The following MPRIP variants were observed in gnomAD, a reference collection of about 807,000 sequenced individuals.
MPRIP encodes myosin phosphatase Rho-interacting protein.
In MPRIP, 59 loss-of-function variants were observed where a neutral mutation model predicts 234.9. The observed-to-expected ratio is 0.25, with a 90% confidence interval of 0.20 to 0.31. The LOEUF is 0.31. Among genes scored for constraint, MPRIP ranks in the 10% least tolerant of loss-of-function variants. The probability of loss-of-function intolerance (pLI) is 1.00; values close to 1 mark genes in which losing one functional copy is unlikely to be tolerated. For missense variants in MPRIP, 2,436 were observed against 3,071.0 expected (o/e 0.79, Z 4.89); for synonymous variants, 1,144 against 1,263.9 (o/e 0.91, Z 2.01).
chr17:17,164,786 G>C lies in MPRIP; in HGVS notation c.3195G>C (p.Gln1065His). ...AGGCACAGCAGGTGGAGACCCTGCAGAAGGAGAAGCTGAGCGCCACTTTCG... is the reference window on the plus strand; with the variant it reads ...AGGCACAGCAGGTGGAGACCCTGCACAAGGAGAAGCTGAGCGCCACTTTCG... ...QGQAQQVETL[Q>H]KEKLSATFEG... The change falls in exon 16 of 24, where the codon CAG (glutamine) becomes CAC (histidine). Residue 1065 changes from glutamine (Q) to histidine (H), a missense_variant. Around this residue, in one of 4 missense-constraint regions of MPRIP, gnomAD observed 1,998 missense variants for 2,520.3 expected, o/e 0.79. Transcript: ENST00000651222. The C allele has an allele frequency of 7.7e-7, 1 of 1,304,248 alleles. No homozygotes were observed. Among genetic ancestry groups the C allele is most frequent in the Non-Finnish European group, 1.0e-6 (1 of 988,944 alleles). 80.8% of individuals were successfully genotyped at this position (1,304,248 alleles called of 1,614,324 possible).
intron 3 of MPRIP, among the ~76,000 whole-genome samples, chr17:17,091,176 A>G (rs2089707967): frequency 6.6e-6 from 1 of 152,014 alleles, no homozygotes; most frequent in Admixed American, 6.5e-5. Context: ...GTTTTCAGCA[A>G]GAGACCCACC....
intron 3 of MPRIP, among the ~76,000 whole-genome samples, chr17:17,081,601 A>G (rs1203241986): frequency 1.3e-5 from 2 of 152,180 alleles, no homozygotes; most frequent in Non-Finnish European, 1.5e-5. Flanking sequence ...GAAGGTGGAC[A>G]TCAGGAGGTC....
chr17:17,180,741 T>G, intron 23 of MPRIP: 1 of 1,421,060 alleles, frequency 7.0e-7, no homozygotes, highest in South Asian at 1.2e-5. Context: ...CATGGTTACT[T>G]TATTTCAATT....
At chr17:17,101,521 G>A (rs1401399329) in intron 3 of MPRIP, among the ~76,000 whole-genome samples, 2 of 152,304 alleles carry the variant, frequency 1.3e-5, no homozygotes, top group East Asian at 1.9e-4. Flanking sequence ...AGTGAGCTGA[G>A]ATTGCACCAC....
At chr17:17,106,192 C>T (rs1456667969) in intron 3 of MPRIP, among the ~76,000 whole-genome samples, 1 of 152,204 alleles carries the variant, frequency 6.6e-6, no homozygotes, top group African/African-American at 2.4e-5. Flanking sequence ...GCCCTGCCGG[C>T]GTCCAACACA....
chr17:17,173,908 C>T lies in MPRIP; in HGVS notation c.6591-8C>T, dbSNP rs563306678. 52 of 1,613,338 alleles carry T rather than the reference C, an allele frequency of 3.2e-5. No individual in the cohort carries two copies. The highest frequency in any genetic ancestry group is 4.0e-5 in the African/African-American group (3 of 75,072). On this transcript the variant is annotated splice_polypyrimidine_tract_variant and splice_region_variant and intron_variant, in intron 18 of 23. Transcript: ENST00000651222. Reference sequence around the variant, plus strand: ...CAGGCAGAGGAGTGAGTGCTGCCCTCTCCCCAGGGAGGAGCTGCAGTCGGT... The same window carrying T: ...CAGGCAGAGGAGTGAGTGCTGCCCTTTCCCCAGGGAGGAGCTGCAGTCGGT...
At chr17:17,134,998 G>C (rs1328810068) in intron 5 of MPRIP, among the ~76,000 whole-genome samples, 1 of 152,250 alleles carries the variant, frequency 6.6e-6, no homozygotes, top group Non-Finnish European at 1.5e-5. Context: ...AATGAGGCTT[G>C]GCCATCAGGA....
At chr17:17,123,725 GAA>G (rs933953125) in intron 3 of MPRIP, among the ~76,000 whole-genome samples, 1 of 133,810 alleles carries the variant, frequency 7.5e-6, no homozygotes, top group African/African-American at 2.9e-5. Flanking sequence ...AAAAAAAAAA[GAA>G]AGAAAAAACG....
chr17:17,141,510 G>T (rs552531195), intron 7 of MPRIP: 17 of 152,494 alleles, frequency 1.1e-4, no homozygotes, highest in African/African-American at 3.8e-4. Flanking sequence ...GTGTCTAAGC[G>T]CAGGGAGGAA....
At position 17,154,156 on chromosome 17, in the gene MPRIP, G is replaced by A. The variant is rs572049064; in HGVS notation, c.1720-150G>A. 339 of 636,466 alleles carry A rather than the reference G, an allele frequency of 5.3e-4. 1 individual carries two copies. In the East Asian group the frequency reaches 5.8e-3, roughly 11 times the overall value. 39.4% of individuals were successfully genotyped at this position (636,466 alleles called of 1,614,324 possible). On this transcript the variant is annotated intron_variant, in intron 12 of 23. Transcript: ENST00000651222. The stretch of plus-strand genomic sequence containing the variant: ...TCTCCAGCTCCCTCATGTCCCAGTA[G>A]TGGGCACATGTGGCACTCCTAGAAG...
intron 3 of MPRIP, among the ~76,000 whole-genome samples, chr17:17,085,032 T>A (rs977180851): frequency 6.6e-6 from 1 of 152,178 alleles, no homozygotes; most frequent in Admixed American, 6.5e-5. Context: ...TACTTTCAGG[T>A]TTAGCTTTAA....
At chr17:17,140,685 A>G (rs1335899046) in intron 7 of MPRIP, among the ~76,000 whole-genome samples, 1 of 152,202 alleles carries the variant, frequency 6.6e-6, no homozygotes, top group African/African-American at 2.4e-5. Flanking sequence ...AGCCTATCTG[A>G]ACCTGACCGG....
chr17:17,060,889 C>G (rs191993499), intron 1 of MPRIP, among the ~76,000 whole-genome samples: 2 of 152,340 alleles, frequency 1.3e-5, no homozygotes, highest in African/African-American at 2.4e-5. Context: ...ACAGTATTCT[C>G]CAGGACTCAA....
intron 16 of MPRIP, chr17:17,170,253 C>T (rs1382366947): frequency 6.6e-6 from 1 of 150,988 alleles, no homozygotes; most frequent in African/African-American, 2.4e-5. Context: ...TGAGAAGCCA[C>T]ATACAAACAG....
At chr17:17,058,910 G>C (rs112030748) in intron 1 of MPRIP, among the ~76,000 whole-genome samples, 5 of 152,260 alleles carry the variant, frequency 3.3e-5, no homozygotes, top group East Asian at 3.9e-4. Context: ...TGCAGAAGGG[G>C]TGGGGACGTG....
intron 3 of MPRIP, among the ~76,000 whole-genome samples, chr17:17,101,752 C>A (rs2032653336): frequency 6.6e-6 from 1 of 152,206 alleles, no homozygotes; most frequent in South Asian, 2.1e-4. Flanking sequence ...ATGGAAAAGG[C>A]CCGTAGGGTA....
In MPRIP at chr17:17,150,233, T is replaced by C. The variant is rs1367157058; in HGVS notation, c.1719T>C (p.His573=). 3 of 1,608,330 alleles carry C rather than the reference T, an allele frequency of 1.9e-6. No homozygotes were observed. The highest frequency in any genetic ancestry group is 1.7e-5 in the Admixed American group (1 of 59,908). The change falls in exon 12 of 24, where the codon CAT becomes CAC. Residue 573 remains histidine, a splice_region_variant and synonymous_variant. Coordinates refer to ENST00000651222, the MANE Select transcript of MPRIP (RefSeq NM_001364716.4). The stretch of plus-strand genomic sequence containing the variant: ...AGAGAAACTATGGCTTCCAGATACA[T>C]GTGAGTCCAGGGATGGAAGTGGGGC... ...PVQRNYGFQI[H]TKEGEFTLSA...
chr17:17,042,797 G>A lies in MPRIP; in HGVS notation c.-52G>A. ...AGCCCCTAGCCCGCCGGGAGCGCCA[G>A]GCCGGCCAGGCCTGCGCCGCCGCCG... On this transcript the variant is annotated 5_prime_UTR_variant, in exon 1 of 24. Coordinates refer to ENST00000651222, the MANE Select transcript of MPRIP (RefSeq NM_001364716.4). 1.9e-6 allele frequency: 2 copies of A among 1,063,802 alleles called. No homozygotes were observed. Among genetic ancestry groups the A allele is most frequent in the Non-Finnish European group, 2.3e-6 (2 of 879,228 alleles). 65.9% of individuals were successfully genotyped at this position (1,063,802 alleles called of 1,614,324 possible). A position where few individuals can be genotyped will look rare whatever the true frequency, so the allele number is the denominator to read the frequency against.
chr17:17,089,292 C>T (rs1436937915), intron 3 of MPRIP, among the ~76,000 whole-genome samples: 2 of 152,154 alleles, frequency 1.3e-5, no homozygotes, highest in Non-Finnish European at 2.9e-5. Context: ...TCTGAGGTCC[C>T]GGGGGAGAAT....
Sources: allele counts gnomAD v4.1 joint callset (sites outside exome capture counted in the v4.1 genomes callset), GRCh38; gene constraint gnomAD v4.1.1; regional missense constraint gnomAD v4.1.1; transcripts MANE v1.5; gene names NCBI Gene and HGNC (gene_info 2026-07-23, HGNC 2026-07-21).